ANXA8: variants seen among roughly 807,000 people sequenced by gnomAD.
ANXA8 encodes the protein annexin A8.
A neutral mutation model predicts 26.8 loss-of-function variants in ANXA8; 9 were observed. The ratio of observed to expected loss-of-function variants is 0.34; its 90% confidence interval spans 0.20 to 0.59. ANXA8 has a LOEUF of 0.59. ANXA8 is among the 20% of genes least tolerant of loss of function. The pLI is 0.84. For missense variants in ANXA8, 83 were observed against 238.5 expected, an observed-to-expected ratio of 0.35 and a Z score of 4.29; for synonymous variants, 39 against 94.8, an observed-to-expected ratio of 0.41 and a Z score of 3.42.
the ANXA8 span, among the ~76,000 whole-genome samples, chr10:47,776,995 T>C: frequency 6.6e-6 from 1 of 151,890 alleles, no homozygotes; most frequent in South Asian, 2.1e-4. Context: ...CCCCTCTGGT[T>C]AAAAGTGTCA....
chr10:47,508,109 G>T, the ANXA8 span, among the ~76,000 whole-genome samples: 1 of 125,792 alleles, frequency 7.9e-6, no homozygotes, highest in Non-Finnish European at 1.7e-5. Flanking sequence ...TTGTTGCCCA[G>T]GCTGGAGTGC....
At chr10:47,494,848 C>T in the ANXA8 span, among the ~76,000 whole-genome samples, 38 of 152,058 alleles carry the variant, frequency 2.5e-4, no homozygotes, top group South Asian at 1.2e-3. Flanking sequence ...AAGTGTGGAC[C>T]GAGTTAAGGG....
At chr10:47,625,586 C>T in the ANXA8 span, among the ~76,000 whole-genome samples, 2 of 151,562 alleles carry the variant, frequency 1.3e-5, no homozygotes, top group Non-Finnish European at 2.9e-5. Context: ...CCCGTTCTCA[C>T]TTTGGCCAAA....
the ANXA8 span, among the ~76,000 whole-genome samples, chr10:47,733,175 T>TTCTTTCTCTCTCTCTCTC: frequency 2.1e-5 from 2 of 93,368 alleles, no homozygotes; most frequent in Admixed American, 1.1e-4. Context: ...CTTTCTTTCT[T>TTCTTTCTCTCTCTCTCTC]TCTTTCTTTC....
At chr10:47,674,715 A>G in the ANXA8 span, among the ~76,000 whole-genome samples, 1 of 151,738 alleles carries the variant, frequency 6.6e-6, no homozygotes. Context: ...CTTCTTCCTC[A>G]TTTATTTATC....
chr10:47,692,786 G>A, the ANXA8 span: 4 of 147,372 alleles, frequency 2.7e-5, no homozygotes, highest in Admixed American at 2.8e-4. Flanking sequence ...CCAGGCTGGA[G>A]CGCAGTGGCA....
At chr10:47,694,552 C>T in the ANXA8 span, among the ~76,000 whole-genome samples, 10 of 151,150 alleles carry the variant, frequency 6.6e-5, no homozygotes, top group African/African-American at 2.2e-4. Context: ...TCCCAAGTAG[C>T]TGGGACTACA....
the ANXA8 span, among the ~76,000 whole-genome samples, chr10:47,631,567 T>G: frequency 1.3e-5 from 2 of 150,900 alleles, no homozygotes; most frequent in African/African-American, 4.9e-5. Flanking sequence ...GCTGAATCAC[T>G]GGGCCAAGGA....
chr10:47,671,224 A>G, the ANXA8 span, among the ~76,000 whole-genome samples: 2 of 151,830 alleles, frequency 1.3e-5, no homozygotes, highest in Admixed American at 6.6e-5. Context: ...GGAGTTTGAG[A>G]CCAGCCAGGG....
the ANXA8 span, among the ~76,000 whole-genome samples, chr10:47,510,915 T>TATTAATTA: frequency 1.5e-5 from 2 of 131,074 alleles, no homozygotes; most frequent in Non-Finnish European, 3.2e-5. Context: ...CAAGAATTTC[T>TATTAATTA]ATTAATTAAT....
the ANXA8 span, among the ~76,000 whole-genome samples, chr10:47,718,329 AGGTGTGGT>A: frequency 6.5e-5 from 8 of 123,228 alleles, no homozygotes; most frequent in East Asian, 1.9e-3. Context: ...AAAATTAGCC[AGGTGTGGT>A]GGTGTGTGCC....
chr10:47,483,166 G>T (rs1839897767), intron 1 of ANXA8, among the ~76,000 whole-genome samples: 2 of 151,420 alleles, frequency 1.3e-5, no homozygotes, highest in African/African-American at 4.9e-5. Flanking sequence ...GGGATGGGCT[G>T]CCCTGAGCCC....
chr10:47,593,415 A>G, the ANXA8 span, among the ~76,000 whole-genome samples: 2 of 149,856 alleles, frequency 1.3e-5, no homozygotes. Context: ...ACTGTTGCAG[A>G]TGCAACAATA....
the ANXA8 span, chr10:47,551,971 G>A: frequency 1.7e-6 from 1 of 600,964 alleles, no homozygotes; most frequent in Non-Finnish European, 2.4e-6. Flanking sequence ...AAGAAGGTTG[G>A]GGTAAGGAGG....
chr10:47,778,647 G>A, the ANXA8 span, among the ~76,000 whole-genome samples: 427 of 151,732 alleles, frequency 2.8e-3, 3 homozygotes, highest in African/African-American at 1.0e-2. Context: ...TTATTCTAAA[G>A]GAATATTATT....
chr10:47,738,573 A>G, the ANXA8 span, among the ~76,000 whole-genome samples: 6 of 151,280 alleles, frequency 4.0e-5, no homozygotes, highest in Non-Finnish European at 5.9e-5. Flanking sequence ...GGTATTAACT[A>G]TGGAAATTTT....
chr10:47,489,254 A>C, the ANXA8 span, among the ~76,000 whole-genome samples: 1 of 121,288 alleles, frequency 8.2e-6, no homozygotes, highest in Non-Finnish European at 1.8e-5. Flanking sequence ...TCCTGACCTC[A>C]TGATCCGCCC....
the ANXA8 span, among the ~76,000 whole-genome samples, chr10:47,721,447 G>A: frequency 2.7e-4 from 37 of 139,214 alleles, 6 homozygotes; most frequent in Non-Finnish European, 5.5e-4. Context: ...CCACATTAAA[G>A]ATGTAGTGCT....
the ANXA8 span, among the ~76,000 whole-genome samples, chr10:47,968,419 T>C: frequency 7.0e-6 from 1 of 142,352 alleles, no homozygotes; most frequent in African/African-American, 2.5e-5. Flanking sequence ...GCCAAAATCA[T>C]TGTAGCTTCC....
Sources: gnomAD v4.1 joint callset for allele counts (sites outside exome capture counted in the v4.1 genomes callset) on GRCh38, gnomAD v4.1.1 for gene constraint, MANE v1.5 for transcripts, NCBI Gene and HGNC (gene_info 2026-07-23, HGNC 2026-07-21) for gene names.